STK10: variants seen among roughly 807,000 people sequenced by gnomAD.
STK10 encodes serine/threonine kinase 10.
STK10 carries 78 observed loss-of-function variants against 113.8 expected under a neutral mutation model. That is an observed-to-expected ratio of 0.69 (90% confidence interval 0.57 to 0.83). The LOEUF is 0.83. Among genes scored for constraint, STK10 ranks in the 40% least tolerant of loss-of-function variants. The pLI is 0.00. For missense variants in STK10, 1,109 were observed against 1,280.1 expected, an observed-to-expected ratio of 0.87 and a Z score of 2.04; for synonymous variants, 465 against 494.7, an observed-to-expected ratio of 0.94 and a Z score of 0.80.
chr5:172,056,893 GAAAGAAGA>G (rs1561789850), intron 15 of STK10: 2 of 127,280 alleles, frequency 1.6e-5, no homozygotes, highest in African/African-American at 6.2e-5. Context: ...AGAAAGAAAA[GAAAGAAGA>G]GAAAGAAAGA....
At chr5:172,154,218 G>A (rs1770299764) in intron 2 of STK10, among the ~76,000 whole-genome samples, 1 of 152,234 alleles carries the variant, frequency 6.6e-6, no homozygotes, top group Non-Finnish European at 1.5e-5. Context: ...GGAGGGGCCT[G>A]ATAACCTGCA....
chr5:172,103,545 C>T (rs563871446), intron 7 of STK10, among the ~76,000 whole-genome samples: 6 of 152,162 alleles, frequency 3.9e-5, no homozygotes, highest in South Asian at 2.1e-4. Context: ...AACAATTGGC[C>T]CCAAGCGGCT....
At chr5:172,073,859 G>A (rs979135838) in intron 12 of STK10, among the ~76,000 whole-genome samples, 1 of 150,686 alleles carries the variant, frequency 6.6e-6, no homozygotes, top group East Asian at 1.9e-4. Flanking sequence ...CAGCTACCTG[G>A]GAGGCTGAGG....
chr5:172,150,916 T>C (rs1290351007), intron 2 of STK10, among the ~76,000 whole-genome samples: 1 of 152,204 alleles, frequency 6.6e-6, no homozygotes, highest in Non-Finnish European at 1.5e-5. Flanking sequence ...GGGAGCGTTC[T>C]TGGGCTGGGC....
chr5:172,056,209 C>T (rs962953106), intron 15 of STK10, among the ~76,000 whole-genome samples: 6 of 152,336 alleles, frequency 3.9e-5, no homozygotes, highest in South Asian at 2.1e-4. Flanking sequence ...AAGCCTTCCC[C>T]GATTTCTTCA....
intron 1 of STK10, among the ~76,000 whole-genome samples, chr5:172,163,380 A>G (rs576809514): frequency 6.6e-6 from 1 of 152,258 alleles, no homozygotes; most frequent in South Asian, 2.1e-4. Flanking sequence ...TTTCCTGATG[A>G]CTGTCCAGAG....
chr5:172,095,626 G>A (rs1345694688), intron 8 of STK10, among the ~76,000 whole-genome samples: 3 of 152,214 alleles, frequency 2.0e-5, no homozygotes, highest in South Asian at 2.1e-4. Flanking sequence ...CCTGCCCTTC[G>A]GGCTTTCCTT....
At chr5:172,057,616 T>C in intron 14 of STK10, 143 bp from the exon 15 acceptor site, 1 of 1,339,306 alleles carries the variant, frequency 7.5e-7, no homozygotes, top group African/African-American at 1.5e-5. Context: ...ATGTTCTACC[T>C]CATTAGACCA....
At chr5:172,171,067 G>A (rs1260950258) in intron 1 of STK10, among the ~76,000 whole-genome samples, 2 of 152,196 alleles carry the variant, frequency 1.3e-5, no homozygotes, top group Non-Finnish European at 2.9e-5. Context: ...CTGTTTTAGA[G>A]ACAGTATCAA....
intron 12 of STK10, among the ~76,000 whole-genome samples, chr5:172,072,314 TG>T (rs1321910176): frequency 6.6e-6 from 1 of 152,216 alleles, no homozygotes; most frequent in East Asian, 1.9e-4. Context: ...TCGCCCAGGC[TG>T]GAGTGCAGTG....
intron 4 of STK10, chr5:172,114,571 C>T (rs1363698986): frequency 7.0e-6 from 1 of 143,670 alleles, no homozygotes; most frequent in Non-Finnish European, 1.5e-5. Flanking sequence ...CAAGCTCCGC[C>T]TCCCGGGTTC....
At chr5:172,077,171 G>A (rs1041311163) in intron 12 of STK10, among the ~76,000 whole-genome samples, 4 of 152,174 alleles carry the variant, frequency 2.6e-5, no homozygotes, top group East Asian at 3.8e-4. Flanking sequence ...GTCCAGCTAC[G>A]TGTCTTCAGA....
Position 172,082,552 on chromosome 5 carries a change from C to T in STK10, c.1810-47G>A. 6.5e-7 allele frequency: 1 copy of T among 1,530,116 alleles called. No individual in the cohort carries two copies. Among genetic ancestry groups the T allele is most frequent in the Non-Finnish European group, 8.8e-7 (1 of 1,139,590 alleles). 94.8% of individuals were successfully genotyped at this position (1,530,116 alleles called of 1,614,324 possible). A position where few individuals can be genotyped will look rare whatever the true frequency, so the allele number is the denominator to read the frequency against. ...AGAAACTTAGCGAAGTCACTTTATA[C>T]CTGGGAGGGACATGGGAAGTGGAAT... On this transcript the variant is annotated intron_variant, in intron 11 of 18. Coordinates refer to ENST00000176763, the MANE Select transcript of STK10 (RefSeq NM_005990.4). This position sits in a 1 kb window ranked among gnomAD's most constrained non-coding sequence, Gnocchi z 4.3.
At position 172,090,299 on chromosome 5, in the gene STK10, C is replaced by T; in HGVS notation, c.1618G>A (p.Val540Met). Residue 540 changes from valine to methionine, a missense_variant, in exon 10 of 19, where the codon GTG (valine) becomes ATG (methionine). Physicochemically the swap from Val to Met is conservative, Grantham distance 21 (BLOSUM62 1). Around this residue, in one of 5 missense-constraint regions of STK10, gnomAD observed 885 missense variants for 991.1 expected, o/e 0.89. Transcript: ENST00000176763. ...ATGATCTTGGAGGTGGTGATGCTCA[C>T]CTCCACACCATCCACCACAAATTTG... The part of the protein sequence containing the change: ...TRKFVVDGVE[V>M]SITTSKIISE... 3.1e-6 allele frequency: 5 copies of T among 1,614,150 alleles called. No individual in the cohort carries two copies. The highest frequency in any genetic ancestry group is 4.2e-6 in the Non-Finnish European group (5 of 1,180,022).
At chr5:172,057,904 C>T (rs1767845208) in intron 14 of STK10, among the ~76,000 whole-genome samples, 1 of 152,198 alleles carries the variant, frequency 6.6e-6, no homozygotes, top group Non-Finnish European at 1.5e-5. Flanking sequence ...CTCTACCTTC[C>T]TGATGGGCAC....
At chr5:172,101,387 C>G (rs1344767335) in intron 7 of STK10, among the ~76,000 whole-genome samples, 1 of 151,264 alleles carries the variant, frequency 6.6e-6, no homozygotes, top group South Asian at 2.1e-4. Flanking sequence ...AGGAGAATCA[C>G]TTGAACCCAG....
intron 6 of STK10, 132 bp from the exon 7 acceptor site, chr5:172,105,869 C>A: frequency 1.4e-6 from 1 of 740,204 alleles, no homozygotes; most frequent in Non-Finnish European, 2.3e-6. Context: ...AAAACAGTGA[C>A]AGGGCCTACA....
intron 2 of STK10, among the ~76,000 whole-genome samples, chr5:172,140,960 G>A (rs1769959452): frequency 6.6e-6 from 1 of 152,110 alleles, no homozygotes; most frequent in Non-Finnish European, 1.5e-5. Flanking sequence ...CGCAAAGTGA[G>A]ACAATATGGA....
intron 3 of STK10, among the ~76,000 whole-genome samples, chr5:172,126,670 A>G (rs1349445689): frequency 2.6e-5 from 4 of 152,242 alleles, no homozygotes; most frequent in Admixed American, 6.5e-5. Flanking sequence ...GTGACTATTC[A>G]CAAAGGAATG....
Sources: gnomAD v4.1 joint callset for allele counts (sites outside exome capture counted in the v4.1 genomes callset) on GRCh38, gnomAD v4.1.1 for gene constraint, gnomAD v4.1.1 regional missense constraint, Gnocchi (gnomAD v3.1) non-coding constraint, MANE v1.5 for transcripts, NCBI Gene and HGNC (gene_info 2026-07-23, HGNC 2026-07-21) for gene names.